The following CDH18 variants were observed in gnomAD, a reference collection of about 807,000 sequenced individuals.
CDH18 encodes cadherin 18, also known as cadherin-18.
CDH18 carries 31 observed loss-of-function variants against 67.9 expected under a neutral mutation model. That is an observed-to-expected ratio of 0.46 (90% CI 0.34 to 0.62). The LOEUF (loss-of-function observed/expected upper bound fraction) is 0.62, where lower values mean the gene tolerates loss of function less well. Ranked by LOEUF, CDH18 falls within the 20% of genes least tolerant of loss-of-function variation. The probability of loss-of-function intolerance (pLI) is 0.01; values close to 1 mark genes in which losing one functional copy is unlikely to be tolerated. For missense variants in CDH18, 890 were observed against 975.5 expected (o/e 0.91, Z 1.17); for synonymous variants, 362 against 347.2 (o/e 1.04, Z -0.48).
intron 1 of CDH18, among the ~76,000 whole-genome samples, chr5:20,300,024 AG>A (rs1488728085): frequency 6.6e-6 from 1 of 152,164 alleles, no homozygotes; most frequent in African/African-American, 2.4e-5. Flanking sequence ...CGAGGATTGC[AG>A]TTCATTTTTC....
intron 1 of CDH18, among the ~76,000 whole-genome samples, chr5:20,373,864 A>G (rs907590076): frequency 6.6e-6 from 1 of 152,136 alleles, no homozygotes. Context: ...AAACATCCCT[A>G]TGTATATACC....
At chr5:20,208,468 G>C (rs566321265) in intron 2 of CDH18, among the ~76,000 whole-genome samples, 22 of 151,986 alleles carry the variant, frequency 1.4e-4, no homozygotes, top group Admixed American at 3.9e-4. Context: ...TATACAATCC[G>C]GAGAGGACAG....
rs1276660774 is a variant in CDH18, at chr5:19,544,021, G to C, written c.1254-16C>G. 2 of 1,486,062 alleles carry C rather than the reference G, an allele frequency of 1.3e-6. No individual in the cohort carries two copies. Among genetic ancestry groups the C allele is most frequent in the African/African-American group, 2.8e-5 (2 of 71,800 alleles). The allele number at this position is 1,486,062 out of a possible 1,614,324, so 92.1% of individuals were successfully genotyped here. A position where few individuals can be genotyped will look rare whatever the true frequency, so the allele number is the denominator to read the frequency against. The stretch of plus-strand genomic sequence containing the variant: ...GATGAAGTATCTAGAGAAAAAAAGA[G>C]AAGTTTTTACTTGATGTTATAATGA... On this transcript the variant is annotated splice_polypyrimidine_tract_variant and intron_variant, in intron 8 of 12. Coordinates refer to ENST00000382275, the MANE Select transcript of CDH18 (RefSeq NM_004934.5).
intron 5 of CDH18, among the ~76,000 whole-genome samples, chr5:19,672,742 A>G (rs1758928523): frequency 6.6e-6 from 1 of 152,072 alleles, no homozygotes; most frequent in African/African-American, 2.4e-5. Context: ...TGTCAGGGAG[A>G]GGAGAAGCTG....
At chr5:20,150,351 G>A (rs1426189615) in intron 2 of CDH18, among the ~76,000 whole-genome samples, 1 of 151,990 alleles carries the variant, frequency 6.6e-6, no homozygotes, top group Admixed American at 6.6e-5. Flanking sequence ...AGATAGATTT[G>A]AGAATATTAT....
intron 5 of CDH18, among the ~76,000 whole-genome samples, chr5:19,691,548 A>T (rs1761893230): frequency 6.6e-6 from 1 of 151,948 alleles, no homozygotes; most frequent in African/African-American, 2.4e-5. Flanking sequence ...TTTGCATGAT[A>T]CAAACTCAAC....
intron 8 of CDH18, among the ~76,000 whole-genome samples, chr5:19,560,328 A>G (rs964937408): frequency 1.3e-5 from 2 of 152,046 alleles, no homozygotes; most frequent in African/African-American, 2.4e-5. Context: ...CATAGACCAA[A>G]GGAACAAAAT....
chr5:20,511,373 A>G (rs1266921840), intron 1 of CDH18, among the ~76,000 whole-genome samples: 1 of 152,188 alleles, frequency 6.6e-6, no homozygotes, highest in Non-Finnish European at 1.5e-5. Context: ...TTAAACATAT[A>G]CAAGAGTCAG....
intron 2 of CDH18, among the ~76,000 whole-genome samples, chr5:20,139,254 G>T (rs1750024998): frequency 6.6e-6 from 1 of 152,096 alleles, no homozygotes; most frequent in Non-Finnish European, 1.5e-5. Flanking sequence ...GGGAAAACTG[G>T]CTAGCCATAT....
intron 6 of CDH18, among the ~76,000 whole-genome samples, chr5:19,603,517 AT>A (rs1482811996): frequency 6.6e-6 from 1 of 152,056 alleles, no homozygotes; most frequent in Non-Finnish European, 1.5e-5. Context: ...GATAAATATT[AT>A]TGTATATATT....
intron 2 of CDH18, among the ~76,000 whole-genome samples, chr5:19,901,589 T>A (rs531067137): frequency 8.1e-4 from 124 of 152,190 alleles, no homozygotes; most frequent in Non-Finnish European, 1.5e-3. Context: ...GTGATGTATC[T>A]TAGAAATATA....
intron 1 of CDH18, among the ~76,000 whole-genome samples, chr5:19,982,055 T>C (rs1045434646): frequency 6.6e-6 from 1 of 152,158 alleles, no homozygotes; most frequent in African/African-American, 2.4e-5. Flanking sequence ...ACAGGAAAAA[T>C]ATAATTTAAT....
At chr5:20,216,449 A>C (rs752701101) in intron 2 of CDH18, among the ~76,000 whole-genome samples, 18 of 152,016 alleles carry the variant, frequency 1.2e-4, no homozygotes, top group East Asian at 5.8e-4. Context: ...CTGTCTAAAA[A>C]TTAATCTCCA....
intron 3 of CDH18, among the ~76,000 whole-genome samples, chr5:19,835,639 G>T (rs1296487535): frequency 6.6e-6 from 1 of 152,056 alleles, no homozygotes; most frequent in Non-Finnish European, 1.5e-5. Context: ...GCTGAGCTTT[G>T]CAGTTTTTAG....
intron 2 of CDH18, among the ~76,000 whole-genome samples, chr5:19,858,608 G>T (rs965566251): frequency 6.6e-6 from 1 of 152,158 alleles, no homozygotes; most frequent in South Asian, 2.1e-4. Flanking sequence ...TAAAGTCTAT[G>T]CTGTGAGAAA....
At chr5:20,513,548 T>G (rs1755173834) in intron 1 of CDH18, among the ~76,000 whole-genome samples, 1 of 152,156 alleles carries the variant, frequency 6.6e-6, no homozygotes. Flanking sequence ...TTCAAATAAC[T>G]TCTTTAATAT....
intron 1 of CDH18, chr5:20,304,653 C>A: frequency 6.2e-7 from 1 of 1,611,784 alleles, no homozygotes. Context: ...AGGCACTTGT[C>A]GCTCCTAGTG....
rs375260682 is a variant in CDH18, at chr5:20,170,371, G to C, written c.-518+85073C>G. ...AGGACATGATCTCATTCCTTTTTTGGCTGCATAGTATTTCATGGTGTATAT... is the reference window on the plus strand; with the variant it reads ...AGGACATGATCTCATTCCTTTTTTGCCTGCATAGTATTTCATGGTGTATAT... On this transcript the variant is annotated intron_variant, in intron 2 of 14. Coordinates refer to the CDH18 transcript ENST00000507958. Among the ~76,000 whole-genome samples, 27 of 151,886 alleles carry C rather than the reference G, an allele frequency of 1.8e-4. No homozygotes were observed. In the South Asian group the frequency reaches 5.6e-3, roughly 32 times the overall value.
chr5:19,954,981 T>C (rs2150279004), intron 2 of CDH18, among the ~76,000 whole-genome samples: 1 of 152,174 alleles, frequency 6.6e-6, no homozygotes, highest in Non-Finnish European at 1.5e-5. Flanking sequence ...TAATCCCCCA[T>C]GTGTCAAGGG....
Sources: gnomAD v4.1 joint callset for allele counts (sites outside exome capture counted in the v4.1 genomes callset) on GRCh38, gnomAD v4.1.1 for gene constraint, MANE v1.5 for transcripts, NCBI Gene and HGNC (gene_info 2026-07-23, HGNC 2026-07-21) for gene names.